The following KCND2 variants were observed in gnomAD, a reference collection of about 807,000 sequenced individuals.
KCND2 encodes the protein potassium voltage-gated channel subfamily D member 2.
Under a neutral mutation model 54.4 loss-of-function variants are expected in KCND2, and 16 were observed. That is an observed-to-expected ratio of 0.29 (90% CI 0.20 to 0.45). KCND2 has a LOEUF of 0.45. Among genes scored for constraint, KCND2 ranks in the 20% least tolerant of loss-of-function variants. The pLI is 1.00. For synonymous variants in KCND2, 317 were observed against 310.7 expected (o/e 1.02, Z -0.21); for missense variants, 486 against 824.2 (o/e 0.59, Z 5.02).
chr7:120,471,990 C>T (rs1802460510), intron 1 of KCND2, among the ~76,000 whole-genome samples: 1 of 151,724 alleles, frequency 6.6e-6, no homozygotes, highest in Admixed American at 6.6e-5. Context: ...AGTTAACTGT[C>T]ACTTTAACTC....
chr7:120,491,363 G>A (rs1036912524), intron 1 of KCND2, among the ~76,000 whole-genome samples: 38 of 152,122 alleles, frequency 2.5e-4, no homozygotes, highest in Non-Finnish European at 5.1e-4. Context: ...TACGAAAATA[G>A]TGGATATGTA....
At chr7:120,458,219 T>C (rs1029987290) in intron 1 of KCND2, among the ~76,000 whole-genome samples, 2 of 152,206 alleles carry the variant, frequency 1.3e-5, no homozygotes, top group African/African-American at 4.8e-5. Context: ...AAATATTAAG[T>C]GTCCGTGCAT....
chr7:120,329,088 C>A (rs896578312), intron 1 of KCND2, among the ~76,000 whole-genome samples: 1 of 149,094 alleles, frequency 6.7e-6, no homozygotes, highest in Non-Finnish European at 1.5e-5. Context: ...AAAGATGAAA[C>A]TGAAAGATAA....
intron 3 of KCND2, chr7:120,742,252 G>T (rs1792950830): frequency 2.3e-6 from 1 of 441,638 alleles, no homozygotes; most frequent in South Asian, 2.2e-5. Context: ...TACAAACATA[G>T]TTGCTAGTTG....
chr7:120,329,613 C>T (rs1429844253), intron 1 of KCND2, among the ~76,000 whole-genome samples: 2 of 151,990 alleles, frequency 1.3e-5, no homozygotes, highest in African/African-American at 4.8e-5. Flanking sequence ...ATATCTTTTT[C>T]TGGTCATTTT....
In KCND2 at chr7:120,588,643, T is replaced by C. The variant is rs553530698; in HGVS notation, c.1116-144260T>C. ...CATTTACTCCCACCTCCTCCTGACA[T>C]CTGTGGGCTAAGGGAACACAAGCTT... On this transcript the variant is annotated intron_variant, in intron 1 of 5. Coordinates refer to ENST00000331113, the MANE Select transcript of KCND2 (RefSeq NM_012281.3). 1.1e-3 allele frequency among the ~76,000 whole-genome samples: 167 copies of C among 152,210 alleles called. 1 individual carries two copies. The highest frequency in any genetic ancestry group is 3.9e-3 in the African/African-American group (161 of 41,514).
intron 1 of KCND2, among the ~76,000 whole-genome samples, chr7:120,579,886 A>AG (rs1792493503): frequency 6.6e-6 from 1 of 152,262 alleles, no homozygotes; most frequent in African/African-American, 2.4e-5. Flanking sequence ...GGCTTTTGTT[A>AG]GGATTATGGA....
In KCND2 at chr7:120,704,098, AAAC is replaced by A. The variant is rs1792436122; in HGVS notation, c.1116-28803_1116-28801del. On this transcript the variant is annotated intron_variant, in intron 1 of 5. Transcript: ENST00000331113. ...TCTCACATAATAATGACTATTGGCC[AAAC>A]ACTATCCAGTCCTGTCTACTCTCCT... Among the ~76,000 whole-genome samples the A allele has an allele frequency of 3.3e-5, 5 of 152,202 alleles. No individual in the cohort carries two copies. In the South Asian group the frequency reaches 1.0e-3, roughly 32 times the overall value.
At chr7:120,293,422 C>G (rs1199964546) in intron 1 of KCND2, among the ~76,000 whole-genome samples, 1 of 151,934 alleles carries the variant, frequency 6.6e-6, no homozygotes, top group Non-Finnish European at 1.5e-5. Context: ...TTGAATTGTT[C>G]TGGCACCCAT....
At chr7:120,446,100 A>G (rs1021876090) in intron 1 of KCND2, among the ~76,000 whole-genome samples, 15 of 152,170 alleles carry the variant, frequency 9.9e-5, no homozygotes, top group Non-Finnish European at 2.1e-4. Context: ...GCACCCAAGC[A>G]TCCTTAACCA....
At position 120,310,690 on chromosome 7, in the gene KCND2, A is replaced by G. The variant is rs111695321; in HGVS notation, c.1115+34943A>G. ...GGCTCACGTGGTGGCTCATCCCAGC[A>G]CTTTGGGAGGCTGAGGCAGGCAGAT... On this transcript the variant is annotated intron_variant, in intron 1 of 5. Coordinates refer to ENST00000331113, the MANE Select transcript of KCND2 (RefSeq NM_012281.3). Among the ~76,000 whole-genome samples, 537 of 152,240 alleles carry G rather than the reference A, an allele frequency of 3.5e-3. 5 individuals carry two copies. Among genetic ancestry groups the G allele is most frequent in the African/African-American group, 0.012 (509 of 41,540 alleles).
intron 1 of KCND2, among the ~76,000 whole-genome samples, chr7:120,420,214 C>T (rs533548206): frequency 3.1e-4 from 47 of 152,036 alleles, no homozygotes; most frequent in African/African-American, 1.0e-3. Context: ...TAATTATTAA[C>T]GATTAATATT....
chr7:120,540,813 A>T (rs1034426353), intron 1 of KCND2, among the ~76,000 whole-genome samples: 18 of 151,586 alleles, frequency 1.2e-4, no homozygotes, highest in Non-Finnish European at 2.2e-4. Flanking sequence ...TTCACTCTCT[A>T]TAAAAAAAAA....
At chr7:120,292,700 C>T (rs949242820) in intron 1 of KCND2, among the ~76,000 whole-genome samples, 1 of 151,854 alleles carries the variant, frequency 6.6e-6, no homozygotes, top group Admixed American at 6.6e-5. Context: ...GAAATGTACA[C>T]CTTCTACATT....
At chr7:120,522,629 C>G (rs1033650458) in intron 1 of KCND2, among the ~76,000 whole-genome samples, 6 of 152,118 alleles carry the variant, frequency 3.9e-5, no homozygotes, top group Admixed American at 3.3e-4. Flanking sequence ...AATTGTTCAG[C>G]AAAAGTTATA....
chr7:120,684,641 T>C lies in KCND2; in HGVS notation c.1116-48262T>C, dbSNP rs76734647. On this transcript the variant is annotated intron_variant, in intron 1 of 5. Coordinates refer to ENST00000331113, the MANE Select transcript of KCND2 (RefSeq NM_012281.3). ...ACAGCAGGGCTCCTCGATTACCCTA[T>C]TACCCGTGGGTCCAGGGCCTGTTAG... is the stretch of plus-strand genomic sequence containing the variant. Among the ~76,000 whole-genome samples the C allele has an allele frequency of 4.6e-5, 7 of 152,204 alleles. No homozygotes were observed. In the East Asian group the frequency reaches 1.4e-3, roughly 29 times the overall value.
At chr7:120,611,624 A>G (rs1792956308) in intron 1 of KCND2, among the ~76,000 whole-genome samples, 1 of 152,180 alleles carries the variant, frequency 6.6e-6, no homozygotes, top group Non-Finnish European at 1.5e-5. Flanking sequence ...GAACACATGA[A>G]TCAGGATGCA....
chr7:120,481,248 G>A (rs1054557466), intron 1 of KCND2, among the ~76,000 whole-genome samples: 9 of 152,172 alleles, frequency 5.9e-5, no homozygotes, highest in Admixed American at 2.0e-4. Flanking sequence ...ATGATGAACC[G>A]GGATACCTGG....
At chr7:120,404,175 C>T (rs919444937) in intron 1 of KCND2, among the ~76,000 whole-genome samples, 2 of 152,094 alleles carry the variant, frequency 1.3e-5, no homozygotes, top group Non-Finnish European at 2.9e-5. Context: ...TTAACAGTAT[C>T]TGTACTTACC....
Sources: gnomAD v4.1 joint callset for allele counts (sites outside exome capture counted in the v4.1 genomes callset) on GRCh38, gnomAD v4.1.1 for gene constraint, MANE v1.5 for transcripts, NCBI Gene and HGNC (gene_info 2026-07-23, HGNC 2026-07-21) for gene names.